The following STYK1 variants were observed in gnomAD, a reference collection of about 807,000 sequenced individuals.
STYK1 encodes tyrosine-protein kinase STYK1.
A neutral mutation model predicts 48.1 loss-of-function variants in STYK1; 46 were observed. That is an observed-to-expected ratio of 0.96 (90% CI 0.75 to 1.22). The LOEUF is 1.22. Ranked by LOEUF, STYK1 falls within the 50% of genes most tolerant of loss-of-function variation. The pLI, the probability that STYK1 is intolerant of heterozygous loss-of-function variation, is 0.00. For missense variants in STYK1, 527 were observed against 521.1 expected (o/e 1.01, Z -0.11); for synonymous variants, 188 against 189.0 (o/e 0.99, Z 0.04).
chr12:10,631,222 C>A lies in STYK1; in HGVS notation c.274G>T (p.Val92Leu). The A allele has an allele frequency of 6.2e-7, 1 of 1,614,230 alleles. No individual in the cohort carries two copies. Among genetic ancestry groups the A allele is most frequent in the Non-Finnish European group, 8.5e-7 (1 of 1,180,040 alleles). Residue 92 changes from valine (V) to leucine (L), a missense_variant, in exon 5 of 11, where the codon GTG (valine) becomes TTG (leucine). By Grantham distance (32) the Val-to-Leu change is conservative. Transcript: ENST00000075503. ...GTGGTAGCTCCCAGAAAGTTTTCCA[C>A]GGATGTCTCCTTAAGTGGCAAAGCC... is the stretch of plus-strand genomic sequence containing the variant. ...NVALPLKETS[V>L]ENFLGATTPA...
intron 7 of STYK1, among the ~76,000 whole-genome samples, chr12:10,627,217 C>T (rs559434715): frequency 6.6e-6 from 1 of 152,258 alleles, no homozygotes; most frequent in East Asian, 1.9e-4. Context: ...TTGCATACTT[C>T]CTTCTGGTTC....
intron 1 of STYK1, among the ~76,000 whole-genome samples, chr12:10,664,549 T>A (rs1303982092): frequency 6.6e-6 from 1 of 152,180 alleles, no homozygotes; most frequent in Non-Finnish European, 1.5e-5. Flanking sequence ...TCACACACTA[T>A]CTGAATATTT....
chr12:10,629,743 G>A (rs1268613050), intron 5 of STYK1, 69 bp from the exon 6 acceptor site: 2 of 1,580,544 alleles, frequency 1.3e-6, no homozygotes, highest in Admixed American at 3.4e-5. Flanking sequence ...GCAGGGAGCA[G>A]GAGGCAACTT....
chr12:10,669,032 C>A (rs1385401628), intron 1 of STYK1, among the ~76,000 whole-genome samples: 4 of 151,982 alleles, frequency 2.6e-5, no homozygotes, highest in African/African-American at 4.8e-5. Context: ...AAGCATGAAA[C>A]CTTCATGGGA....
chr12:10,649,487 T>C (rs553596027), intron 1 of STYK1, among the ~76,000 whole-genome samples: 1 of 152,314 alleles, frequency 6.6e-6, no homozygotes, highest in South Asian at 2.1e-4. Flanking sequence ...ATGAGGTATA[T>C]ATGGCAAGAG....
intron 1 of STYK1, among the ~76,000 whole-genome samples, chr12:10,661,045 C>A (rs1190592735): frequency 6.6e-6 from 1 of 152,114 alleles, no homozygotes; most frequent in Non-Finnish European, 1.5e-5. Flanking sequence ...AGTCCAAGAA[C>A]CTTCTGCTGG....
chr12:10,653,077 CT>C lies in STYK1; in HGVS notation c.-194-15882del, dbSNP rs1165314304. ...AAGTCAATTAACATATCTTTTCTTT[CT>C]TTTTTTTTTTGTGAGACGGAGTCTC... On this transcript the variant is annotated intron_variant, in intron 1 of 10. Transcript: ENST00000075503. Among the ~76,000 whole-genome samples the C allele has an allele frequency of 3.9e-3, 572 of 146,386 alleles. 4 individuals carry two copies. The highest frequency in any genetic ancestry group is 5.0e-3 in the Non-Finnish European group (332 of 66,008).
chr12:10,669,270 G>A (rs573644198), intron 1 of STYK1, among the ~76,000 whole-genome samples: 2 of 152,312 alleles, frequency 1.3e-5, no homozygotes, highest in South Asian at 4.1e-4. Context: ...GGAATGGGGA[G>A]TAGTTTTTAA....
rs1565577895 is a variant in STYK1, at chr12:10,672,256, A to ACGACT, written c.-195+1709_-195+1710insAGTCG. On this transcript the variant is annotated intron_variant, in intron 1 of 10. Transcript: ENST00000075503. The surrounding 1 kb of genome is among the most constrained non-coding windows in gnomAD (Gnocchi z 4.0). ...GGTCACCAACACCCGGGGCGCCGAC[A>ACGACT]GGTACGGGGTGCACAGCAGGAAATC... Among the ~76,000 whole-genome samples the ACGACT allele has an allele frequency of 1.3e-5, 2 of 151,986 alleles. No individual in the cohort carries two copies. The highest frequency in any genetic ancestry group is 2.9e-5 in the Non-Finnish European group (2 of 67,994).
At chr12:10,662,896 G>A (rs560196519) in intron 1 of STYK1, among the ~76,000 whole-genome samples, 81 of 152,274 alleles carry the variant, frequency 5.3e-4, no homozygotes, top group African/African-American at 1.9e-3. Flanking sequence ...TTTGACGTGT[G>A]TCTAAGAAAC....
intron 4 of STYK1, among the ~76,000 whole-genome samples, chr12:10,632,393 T>G (rs900262435): frequency 1.3e-5 from 2 of 152,072 alleles, no homozygotes; most frequent in African/African-American, 4.8e-5. Flanking sequence ...TGCAAAAGCA[T>G]TAAGCAGGGA....
chr12:10,621,784 G>T (rs1223349295), intron 10 of STYK1, 92 bp downstream of exon 10: 2 of 1,134,982 alleles, frequency 1.8e-6, no homozygotes, highest in East Asian at 4.7e-5. Flanking sequence ...ACACAGGTGA[G>T]GATCATCTGA....
intron 1 of STYK1, among the ~76,000 whole-genome samples, chr12:10,651,195 T>C (rs1947659354): frequency 6.6e-6 from 1 of 152,174 alleles, no homozygotes; most frequent in South Asian, 2.1e-4. Flanking sequence ...TTTCCTGCTC[T>C]AAACTTGTAT....
chr12:10,653,554 A>G (rs2120752549), intron 1 of STYK1, among the ~76,000 whole-genome samples: 1 of 152,318 alleles, frequency 6.6e-6, no homozygotes, highest in Non-Finnish European at 1.5e-5. Flanking sequence ...GGTGGATAAG[A>G]GTTTTTCTCT....
intron 1 of STYK1, among the ~76,000 whole-genome samples, chr12:10,657,061 A>G (rs1047794981): frequency 0.048 from 4 of 84 alleles, no homozygotes; most frequent in Admixed American, 0.33. Context: ...GACCACCTGG[A>G]AGATACTGGA....
At chr12:10,620,895 A>C (rs529423783) in intron 10 of STYK1, among the ~76,000 whole-genome samples, 2 of 152,204 alleles carry the variant, frequency 1.3e-5, no homozygotes, top group South Asian at 2.1e-4. Flanking sequence ...TTTGTCAGTT[A>C]GGTGTCTTTC....
intron 2 of STYK1, among the ~76,000 whole-genome samples, chr12:10,636,730 T>TA (rs1428930146): frequency 2.6e-5 from 4 of 152,204 alleles, no homozygotes; most frequent in Non-Finnish European, 4.4e-5. Context: ...AGTAATTGTT[T>TA]TCATTCAGGG....
Position 10,626,778 on chromosome 12 carries a change from G to A in STYK1, c.717+863C>T, listed in dbSNP as rs537417527. ...TCCCAGCACTTTGGGAGGCCGAGGC[G>A]CGCGGATCACGAGGTCGGGAGATCG... On this transcript the variant is annotated intron_variant, in intron 7 of 10. Coordinates refer to ENST00000075503, the MANE Select transcript of STYK1 (RefSeq NM_018423.3). 1.7e-3 allele frequency among the ~76,000 whole-genome samples: 263 copies of A among 152,204 alleles called. 3 individuals carry two copies. The highest frequency in any genetic ancestry group is 5.5e-3 in the African/African-American group (230 of 41,536).
At chr12:10,622,785 G>T in intron 8 of STYK1, 107 bp from the exon 9 acceptor site, 2 of 1,328,972 alleles carry the variant, frequency 1.5e-6, no homozygotes, top group South Asian at 1.3e-5. Flanking sequence ...AAAAGGCAAT[G>T]AAGGAGAATC....
Sources: gnomAD v4.1 joint callset for allele counts (sites outside exome capture counted in the v4.1 genomes callset) on GRCh38, gnomAD v4.1.1 for gene constraint, Gnocchi (gnomAD v3.1) non-coding constraint, MANE v1.5 for transcripts, NCBI Gene and HGNC (gene_info 2026-07-23, HGNC 2026-07-21) for gene names.